The following SRPK2 variants were observed in gnomAD, a reference collection of about 807,000 sequenced individuals.
SRPK2 encodes SRSF protein kinase 2, also known as SFRS protein kinase 2.
In SRPK2, 21 loss-of-function variants were observed where a neutral mutation model predicts 90.8. The ratio of observed to expected loss-of-function variants is 0.23; its 90% CI spans 0.16 to 0.33. The LOEUF (loss-of-function observed/expected upper bound fraction) is 0.33. SRPK2 is among the 10% of genes least tolerant of loss of function. SRPK2 has a pLI of 1.00. For synonymous variants in SRPK2, 288 were observed against 311.1 expected (o/e 0.93, Z 0.78); for missense variants, 620 against 869.0 (o/e 0.71, Z 3.60).
At chr7:105,154,255 G>C (rs1806170763) in intron 7 of SRPK2, among the ~76,000 whole-genome samples, 1 of 152,220 alleles carries the variant, frequency 6.6e-6, no homozygotes, top group Non-Finnish European at 1.5e-5. Flanking sequence ...CAGGAAAGCA[G>C]CTTAGTCCCT....
chr7:105,231,545 G>A (rs544832280), intron 2 of SRPK2, among the ~76,000 whole-genome samples: 1 of 152,146 alleles, frequency 6.6e-6, no homozygotes, highest in Non-Finnish European at 1.5e-5. Flanking sequence ...GTGTATAAAT[G>A]TTCCCTTTTC....
chr7:105,369,353 G>A (rs1055975086), intron 2 of SRPK2, among the ~76,000 whole-genome samples: 11 of 151,876 alleles, frequency 7.2e-5, no homozygotes, highest in African/African-American at 2.4e-4. Flanking sequence ...TCATCACGCT[G>A]GCCAGGCTGG....
chr7:105,388,944 T>G, upstream of SRPK2: 1 of 1,173,294 alleles, frequency 8.5e-7, no homozygotes, highest in Non-Finnish European at 1.0e-6. Context: ...CCGCCGCCGC[T>G]CCAGCAGGGA....
In SRPK2 at chr7:105,398,540, C is replaced by T. The variant is rs528909928; in HGVS notation, n.153+616G>A. On this transcript the variant is annotated intron_variant and non_coding_transcript_variant, in intron 1 of 3. Coordinates refer to the SRPK2 transcript ENST00000462282. ...CTGGGATTACAGGCATATGCCACCA[C>T]GCCTAGCTAATTTTTGTATTTTTAG... Among the ~76,000 whole-genome samples the T allele has an allele frequency of 3.8e-3, 572 of 152,222 alleles. 3 individuals are homozygous for T. The highest frequency in any genetic ancestry group is 0.013 in the African/African-American group (537 of 41,548).
intron 13 of SRPK2, 23 bp downstream of exon 13, chr7:105,132,768 G>A: frequency 6.3e-7 from 1 of 1,580,056 alleles, no homozygotes. Flanking sequence ...TCCCATGGCA[G>A]CAAAGGGCAC....
intron 2 of SRPK2, among the ~76,000 whole-genome samples, chr7:105,302,822 C>T (rs1810708724): frequency 6.6e-6 from 1 of 151,978 alleles, no homozygotes; most frequent in Non-Finnish European, 1.5e-5. Flanking sequence ...ATTTCTCTTG[C>T]ATATACCAGG....
At position 105,373,499 on chromosome 7, in the gene SRPK2, T is replaced by A. The variant is rs1462080363; in HGVS notation, c.71+15149A>T. On this transcript the variant is annotated intron_variant, in intron 2 of 15. Transcript: ENST00000393651. ...CTCACTTCGACCTCCACCTCCCAGA[T>A]TCAAGTGATTCTCATGCCTCAGCCT... Among the ~76,000 whole-genome samples, 12 of 150,680 alleles carry A rather than the reference T, an allele frequency of 8.0e-5. No individual in the cohort carries two copies. The Admixed American group carries it at 8.0e-4, about 10-fold the overall frequency.
At chr7:105,198,657 G>T (rs1795200107) in intron 3 of SRPK2, among the ~76,000 whole-genome samples, 1 of 152,150 alleles carries the variant, frequency 6.6e-6, no homozygotes, top group Non-Finnish European at 1.5e-5. Flanking sequence ...AGAACACAAT[G>T]AAAGAAGAAT....
rs533665290 is a variant in SRPK2 at position 105,378,290 on chromosome 7, T to C, written c.71+10358A>G. On this transcript the variant is annotated intron_variant, in intron 2 of 15. Coordinates refer to ENST00000393651, the MANE Select transcript of SRPK2 (RefSeq NM_182692.3). The stretch of plus-strand genomic sequence containing the variant: ...CTTTTAGATTACAAAATGATATCCA[T>C]AATGATTAGAAAGATACATAACTTA... Among the ~76,000 whole-genome samples the C allele has an allele frequency of 5.3e-5, 8 of 152,274 alleles. No homozygotes were observed. In the South Asian group the frequency reaches 1.4e-3, roughly 28 times the overall value.
chr7:105,388,380 C>A (rs1301430085), intron 2 of SRPK2, among the ~76,000 whole-genome samples: 1 of 149,950 alleles, frequency 6.7e-6, no homozygotes, highest in Non-Finnish European at 1.5e-5. Context: ...CCGCCGGCCT[C>A]CCGCCCGCCG....
At chr7:105,242,420 G>A (rs1048320953) in intron 2 of SRPK2, among the ~76,000 whole-genome samples, 1 of 152,124 alleles carries the variant, frequency 6.6e-6, no homozygotes, top group African/African-American at 2.4e-5. Context: ...GCTGAGGCAG[G>A]AGAATTGCTT....
upstream of SRPK2, chr7:105,389,289 C>T (rs1016406487): frequency 2.3e-6 from 3 of 1,278,232 alleles, no homozygotes; most frequent in African/African-American, 4.7e-5. Flanking sequence ...CGTCCTTGGC[C>T]GGCGCCTCCG....
At chr7:105,163,090 AT>A (rs1370140336) in intron 6 of SRPK2, among the ~76,000 whole-genome samples, 1 of 152,252 alleles carries the variant, frequency 6.6e-6, no homozygotes, top group East Asian at 1.9e-4. Context: ...CTCAAGATGA[AT>A]TTCTAAAAGA....
intron 15 of SRPK2, among the ~76,000 whole-genome samples, chr7:105,122,506 C>A (rs188811495): frequency 3.3e-5 from 5 of 152,206 alleles, no homozygotes; most frequent in African/African-American, 7.2e-5. Flanking sequence ...CTGTCAAATG[C>A]CCACGAAAGA....
chr7:105,260,591 T>G (rs1418173943), intron 2 of SRPK2, among the ~76,000 whole-genome samples: 1 of 152,234 alleles, frequency 6.6e-6, no homozygotes, highest in Non-Finnish European at 1.5e-5. Flanking sequence ...CACCTATGTT[T>G]ATTGTGGCAC....
chr7:105,341,181 T>C (rs1172328325), intron 2 of SRPK2, among the ~76,000 whole-genome samples: 2 of 150,984 alleles, frequency 1.3e-5, no homozygotes, highest in African/African-American at 2.4e-5. Context: ...CTGACCAACA[T>C]GGTGAAACCC....
chr7:105,318,829 A>C (rs576927172), intron 2 of SRPK2, among the ~76,000 whole-genome samples: 1 of 152,362 alleles, frequency 6.6e-6, no homozygotes, highest in South Asian at 2.1e-4. Context: ...CTATTCCACT[A>C]GACACTGGTA....
At chr7:105,212,494 GCA>G (rs1796978153) in intron 2 of SRPK2, among the ~76,000 whole-genome samples, 2 of 152,162 alleles carry the variant, frequency 1.3e-5, no homozygotes, top group African/African-American at 4.8e-5. Context: ...ATCATCAAAA[GCA>G]CAGAGGCCCA....
At chr7:105,134,543 C>T (rs1802518784) in intron 11 of SRPK2, among the ~76,000 whole-genome samples, 1 of 152,198 alleles carries the variant, frequency 6.6e-6, no homozygotes, top group Non-Finnish European at 1.5e-5. Flanking sequence ...AAACACCTAC[C>T]TAGGAGAGCC....
Sources: allele counts gnomAD v4.1 joint callset (sites outside exome capture counted in the v4.1 genomes callset), GRCh38; gene constraint gnomAD v4.1.1; transcripts MANE v1.5; gene names NCBI Gene and HGNC (gene_info 2026-07-23, HGNC 2026-07-21).